The following AHNAK2 variants were observed in gnomAD, a reference collection of about 807,000 sequenced individuals.
AHNAK2 encodes protein AHNAK2.
AHNAK2 carries 18 observed loss-of-function variants against 30.7 expected under a neutral mutation model. The observed-to-expected ratio is 0.59, with a 90% CI of 0.41 to 0.87. AHNAK2 has a LOEUF of 0.87. Among genes scored for constraint, AHNAK2 ranks in the 40% least tolerant of loss-of-function variants. The probability of loss-of-function intolerance (pLI) is 0.00; values close to 1 mark genes in which losing one functional copy is unlikely to be tolerated. For synonymous variants in AHNAK2, 3,590 were observed against 3,073.8 expected (o/e 1.17, Z -5.56); for missense variants, 8,604 against 7,373.0 (o/e 1.17, Z -6.11).
chr14:104,955,442 TG>T (rs1235607894), intron 5 of AHNAK2, 40 bp downstream of exon 5: 2 of 1,582,328 alleles, frequency 1.3e-6, no homozygotes, highest in African/African-American at 2.7e-5. Context: ...CCCATCCTGG[TG>T]GGGAGAATGG....
Position 104,940,117 on chromosome 14 carries a change from C to T in AHNAK2, c.15334G>A (p.Glu5112Lys). The T allele has an allele frequency of 6.2e-7, 1 of 1,613,306 alleles. No individual in the cohort carries two copies. Among genetic ancestry groups the T allele is most frequent in the Non-Finnish European group, 8.5e-7 (1 of 1,179,884 alleles). ...AGGTCAGCTTCAGGCTGGCTCACCT[C>T]CACCTTGGCCTTGGAGGATCTGAGA... ...PDLRSSKAKV[E>K]VSQPEADLPL... is the part of the protein sequence containing the mutation. Residue 5112 changes from glutamate (E) to lysine (K), a missense_variant, in exon 7 of 7, where the codon GAG becomes AAG. Transcript: ENST00000333244. The surrounding 1 kb of genome is among the most constrained non-coding windows in gnomAD (Gnocchi z 4.4).
At position 104,941,304 on chromosome 14, in the gene AHNAK2, G is replaced by A; in HGVS notation, c.14147C>T (p.Thr4716Ile). The A allele has an allele frequency of 6.2e-7, 1 of 1,613,578 alleles. No individual in the cohort carries two copies. Reference protein sequence around the residue: ...VPKVSFSSTKTPKDSLVPGAK... With the variant: ...VPKVSFSSTKIPKDSLVPGAK... ...ACCTGGGACTAAACTATCTTTAGGA[G>A]TTTTGGTAGAAGAAAATGAAACTTT... Residue 4716 changes from threonine (T) to isoleucine (I), a missense_variant, in exon 7 of 7, where the codon ACT becomes ATT. Thr to Ile is a moderately conservative substitution (Grantham distance 89, BLOSUM62 -1). Coordinates refer to ENST00000333244, the MANE Select transcript of AHNAK2 (RefSeq NM_138420.4).
chr14:104,956,948 C>T (rs1285019329), intron 3 of AHNAK2, among the ~76,000 whole-genome samples: 1 of 152,234 alleles, frequency 6.6e-6, no homozygotes, highest in Non-Finnish European at 1.5e-5. Flanking sequence ...CATAGGGAAG[C>T]CCCACAGCAA....
At chr14:104,960,334 G>A (rs956290292) in intron 1 of AHNAK2, among the ~76,000 whole-genome samples, 2 of 152,154 alleles carry the variant, frequency 1.3e-5, no homozygotes, top group East Asian at 3.8e-4. Context: ...CTGAACACGT[G>A]TAGACTTTTT....
rs138659930 is a variant in AHNAK2 at position 104,950,828 on chromosome 14, C to G, written c.4623G>C (p.Leu1541=). 1.8e-3 allele frequency: 2,846 copies of G among 1,578,938 alleles called. 264 individuals carry two copies. The highest frequency in any genetic ancestry group is 0.018 in the African/African-American group (1,285 of 71,444). ...SMQGDLKATD[L]SIQPPSADLE... ...GGTCAGCAGAAGGGGGCTGTATGCT[C>G]AGGTCAGTGGCCTTGAGGTCCCCCT... Residue 1541 remains leucine, a synonymous_variant, in exon 7 of 7, where the codon CTG becomes CTC. Coordinates refer to ENST00000333244, the MANE Select transcript of AHNAK2 (RefSeq NM_138420.4).
rs769702012 is a variant in AHNAK2, at chr14:104,944,411, G to T, written c.11040C>A (p.Asp3680Glu). The T allele has an allele frequency of 5.6e-6, 9 of 1,612,464 alleles. No homozygotes were observed. In the South Asian group the frequency reaches 7.7e-5, roughly 14 times the overall value. Residue 3680 changes from aspartate (D) to glutamate (E), a missense_variant, in exon 7 of 7, where the codon GAC becomes GAA. Physicochemically the swap from Asp to Glu is conservative, Grantham distance 45. Coordinates refer to ENST00000333244, the MANE Select transcript of AHNAK2 (RefSeq NM_138420.4). ...ADVSLPSMQG[D>E]LKTTDLSIQP... ...GAATGCTGAGGTCAGTGGTCTTCAGGTCCCCCTGCATGGAGGGGAGACTCA... is the reference window on the plus strand; with the variant it reads ...GAATGCTGAGGTCAGTGGTCTTCAGTTCCCCCTGCATGGAGGGGAGACTCA...
Position 104,940,633 on chromosome 14 carries a change from G to A in AHNAK2, c.14818C>T (p.Pro4940Ser), listed in dbSNP as rs768612622. The A allele has an allele frequency of 6.2e-6, 10 of 1,613,472 alleles. No individual in the cohort carries two copies. The African/African-American group carries it at 6.7e-5, about 11-fold the overall frequency. ...QTSVVAPGEA[P>S]SEDADHEGKG... ...CCTTCGTGGTCAGCATCTTCAGAAG[G>A]GGCTTCTCCAGGGGCCACTACTGAT... Residue 4940 changes from proline to serine, a missense_variant, in exon 7 of 7, where the codon CCT becomes TCT. Transcript: ENST00000333244. This position sits in a 1 kb window ranked among gnomAD's most constrained non-coding sequence, Gnocchi z 4.4.
rs561262101 is a variant in AHNAK2, at chr14:104,941,522, C to A, written c.13929G>T (p.Lys4643Asn). Residue 4643 changes from lysine (K) to asparagine (N), a missense_variant, in exon 7 of 7, where the codon AAG becomes AAT. Transcript: ENST00000333244. ...LSTSGFEWSS[K>N]KVSMSSSEIE... is the part of the protein sequence containing the mutation. ...TTTCAGAGGAAGACATGGAAACTTT[C>A]TTTGACGACCATTCAAAACCAGACG... is the stretch of plus-strand genomic sequence containing the variant. 1 of 1,613,044 alleles carries A rather than the reference C, an allele frequency of 6.2e-7. No homozygotes were observed. The highest frequency in any genetic ancestry group is 1.3e-5 in the African/African-American group (1 of 75,046).
In AHNAK2 at chr14:104,968,556, T is replaced by TG. The variant is rs202094850; in HGVS notation, c.55+9626dup. Among the ~76,000 whole-genome samples, 225 of 152,044 alleles carry TG rather than the reference T, an allele frequency of 1.5e-3. 3 individuals carry two copies. Among genetic ancestry groups the TG allele is most frequent in the African/African-American group, 5.2e-3 (217 of 41,472 alleles). On this transcript the variant is annotated intron_variant, in intron 1 of 6. Coordinates refer to ENST00000333244, the MANE Select transcript of AHNAK2 (RefSeq NM_138420.4). ...TCTTGGAGGGTCCAGAACAGGTCCG[T>TG]GGGGGGAGGAGGTGGATTTTGCTTA... is the stretch of plus-strand genomic sequence containing the variant.
chr14:104,948,243 T>C lies in AHNAK2; in HGVS notation c.7208A>G (p.Lys2403Arg), dbSNP rs1336745711. 1 of 1,612,504 alleles carries C rather than the reference T, an allele frequency of 6.2e-7. No homozygotes were observed. The highest frequency in any genetic ancestry group is 2.2e-5 in the East Asian group (1 of 44,744). The change falls in exon 7 of 7, where the codon AAG becomes AGG. Residue 2403 changes from lysine to arginine, a missense_variant. By Grantham distance (26) the Lys-to-Arg change is conservative. Coordinates refer to ENST00000333244, the MANE Select transcript of AHNAK2 (RefSeq NM_138420.4). ...CATCTTGAAACTGGGCATCTGCAGC[T>C]TGGGCAGGTGCCCTTTGAGGCCGGC... ...EGAGLKGHLP[K>R]LQMPSFKMPK...
chr14:104,955,200 C>A, intron 5 of AHNAK2, 59 bp from the exon 6 acceptor site: 1 of 1,537,304 alleles, frequency 6.5e-7, no homozygotes, highest in South Asian at 1.2e-5. Flanking sequence ...GGTCTGCTGT[C>A]TTGCCTTGGC....
In AHNAK2 at chr14:104,954,406, C is replaced by A. The variant is rs754706899; in HGVS notation, c.1045G>T (p.Gly349Trp). ...TCCAGGACCCCAGCACGGCCCACCCCACTCTGGAACCCCCTGCCTGGCTGT... is the reference window on the plus strand; with the variant it reads ...TCCAGGACCCCAGCACGGCCCACCCAACTCTGGAACCCCCTGCCTGGCTGT... ...TGQPGRGFQS[G>W]VGRAGVLEEL... Residue 349 changes from glycine to tryptophan, a missense_variant, in exon 7 of 7, where the codon GGG (glycine) becomes TGG (tryptophan). Coordinates refer to ENST00000333244, the MANE Select transcript of AHNAK2 (RefSeq NM_138420.4). The surrounding 1 kb of genome is among the most constrained non-coding windows in gnomAD (Gnocchi z 4.3). The A allele has an allele frequency of 6.2e-7, 1 of 1,613,030 alleles. No individual in the cohort carries two copies. Among genetic ancestry groups the A allele is most frequent in the Non-Finnish European group, 8.5e-7 (1 of 1,179,752 alleles).
In AHNAK2 at chr14:104,940,206, C is replaced by T. The variant is rs775546966; in HGVS notation, c.15245G>A (p.Ser5082Asn). The change falls in exon 7 of 7, where the codon AGT (serine) becomes AAT (asparagine). Residue 5082 changes from serine to asparagine, a missense_variant. Ser to Asn is a conservative substitution (Grantham distance 46). Coordinates refer to ENST00000333244, the MANE Select transcript of AHNAK2 (RefSeq NM_138420.4). This position sits in a 1 kb window ranked among gnomAD's most constrained non-coding sequence, Gnocchi z 4.4. ...TGGCCGGTGGAGGTTCACACCCTCA[C>T]TTCCTGTGGCACTTGCTGTTGCACC... ...GLGATASATG[S>N]EGVNLHRPQV... is the part of the protein sequence containing the mutation. 6.2e-7 allele frequency: 1 copy of T among 1,613,608 alleles called. No homozygotes were observed.
rs1161562762 is a variant in AHNAK2, at chr14:104,944,151, G to C, written c.11300C>G (p.Pro3767Arg). 6.2e-7 allele frequency: 1 copy of C among 1,613,370 alleles called. No homozygotes were observed. Among genetic ancestry groups the C allele is most frequent in the East Asian group, 2.2e-5 (1 of 44,760 alleles). ...GGCCTGGACGTCCACCTCCACGCTG[G>C]GCAGAGACACCTCCACATCAGGGGC... is the stretch of plus-strand genomic sequence containing the variant. ...VTAPDVEVSLPSVEVDVQAPR... is the reference protein window; with the variant it reads ...VTAPDVEVSLRSVEVDVQAPR... Residue 3767 changes from proline (P) to arginine (R), a missense_variant, in exon 7 of 7, where the codon CCC (proline) becomes CGC (arginine). Coordinates refer to ENST00000333244, the MANE Select transcript of AHNAK2 (RefSeq NM_138420.4).
Position 104,953,211 on chromosome 14 carries a change from G to A in AHNAK2, c.2240C>T (p.Pro747Leu), listed in dbSNP as rs755759007. Residue 747 changes from proline (P) to leucine (L), a missense_variant, in exon 7 of 7, where the codon CCC becomes CTC. By Grantham distance (98) the Pro-to-Leu change is moderately conservative (BLOSUM62 -3). Coordinates refer to ENST00000333244, the MANE Select transcript of AHNAK2 (RefSeq NM_138420.4). ...GQVDVKLPEG[P>L]LPEGASLKGH... ...TTTGAGGCTGGCTCCCTCGGGCAGG[G>A]GGCCCTCCGGAAGTTTCACATCCAC... 1.2e-6 allele frequency: 2 copies of A among 1,612,772 alleles called. No individual in the cohort carries two copies. The highest frequency in any genetic ancestry group is 1.7e-6 in the Non-Finnish European group (2 of 1,179,606).
chr14:104,952,207 G>T lies in AHNAK2; in HGVS notation c.3244C>A (p.Pro1082Thr). 2.5e-6 allele frequency: 4 copies of T among 1,612,470 alleles called. No homozygotes were observed. The highest frequency in any genetic ancestry group is 3.4e-6 in the Non-Finnish European group (4 of 1,179,578). ...PEGAGLKGHL[P>T]KVEMPSFKMP... ...TTGAAACTGGGCATCTCCACCTTGG[G>T]CAAGTGCCCTTTAAGGCCAGCTCCC... The change falls in exon 7 of 7, where the codon CCC (proline) becomes ACC (threonine). Residue 1082 changes from proline (P) to threonine (T), a missense_variant. Transcript: ENST00000333244.
At chr14:104,972,049 A>G (rs1201113624) in intron 1 of AHNAK2, among the ~76,000 whole-genome samples, 1 of 152,190 alleles carries the variant, frequency 6.6e-6, no homozygotes, top group Non-Finnish European at 1.5e-5. Flanking sequence ...GCACACAGAG[A>G]AGGGGTCCTC....
Position 104,947,408 on chromosome 14 carries a change from G to T in AHNAK2, c.8043C>A (p.Asp2681Glu), listed in dbSNP as rs192244979. The change falls in exon 7 of 7, where the codon GAC becomes GAA. Residue 2681 changes from aspartate to glutamate, a missense_variant. Asp to Glu is a conservative substitution (Grantham distance 45). Coordinates refer to ENST00000333244, the MANE Select transcript of AHNAK2 (RefSeq NM_138420.4). ...CCCCTTGCATGGAGGGGAGGCTCAT[G>T]TCGGCTTCCACCTTCAGCTCAGACA... ...VDVSELKVEADMSLPSMQGDL... is the reference protein window; with the variant it reads ...VDVSELKVEAEMSLPSMQGDL... The T allele has an allele frequency of 2.4e-5, 38 of 1,611,784 alleles. No individual in the cohort carries two copies. In the Admixed American group the frequency reaches 2.7e-4, roughly 11 times the overall value.
At position 104,942,219 on chromosome 14, in the gene AHNAK2, T is replaced by C; in HGVS notation, c.13232A>G (p.Lys4411Arg). ...IDVNVPKLDL[K>R]GPKVEVTSPN... ...GGACGTCACCTCCACCTTGGGGCCT[T>C]TCAGGTCCAGCTTGGGGACATTAAC... is the stretch of plus-strand genomic sequence containing the variant. The change falls in exon 7 of 7, where the codon AAA becomes AGA. Residue 4411 changes from lysine (K) to arginine (R), a missense_variant. By Grantham distance (26) the Lys-to-Arg change is conservative. Transcript: ENST00000333244. 1 of 1,612,998 alleles carries C rather than the reference T, an allele frequency of 6.2e-7. No homozygotes were observed. Among genetic ancestry groups the C allele is most frequent in the Non-Finnish European group, 8.5e-7 (1 of 1,179,716 alleles).
Sources: allele counts gnomAD v4.1 joint callset (sites outside exome capture counted in the v4.1 genomes callset), GRCh38; gene constraint gnomAD v4.1.1; non-coding constraint Gnocchi (gnomAD v3.1); transcripts MANE v1.5; gene names NCBI Gene and HGNC (gene_info 2026-07-23, HGNC 2026-07-21).